GDA: variants seen among roughly 807,000 people sequenced by gnomAD.
GDA encodes the protein cytoplasmic PSD-95 interactor.
GDA carries 18 observed loss-of-function variants against 59.6 expected under a neutral mutation model. The ratio of observed to expected loss-of-function variants is 0.30; its 90% confidence interval spans 0.21 to 0.45. GDA has a LOEUF of 0.45. Ranked by LOEUF, GDA falls within the 20% of genes least tolerant of loss-of-function variation. The pLI is 1.00. For missense variants in GDA, 427 were observed against 552.3 expected, an observed-to-expected ratio of 0.77 and a Z score of 2.27; for synonymous variants, 201 against 201.1, an observed-to-expected ratio of 1.00 and a Z score of 0.00.
intron 1 of GDA, among the ~76,000 whole-genome samples, chr9:72,124,773 C>G (rs1199354176): frequency 6.6e-6 from 1 of 151,888 alleles, no homozygotes; most frequent in Non-Finnish European, 1.5e-5. Flanking sequence ...ATCAGCCTGG[C>G]TAATTTTTGT....
chr9:72,146,511 A>G (rs539463234), upstream of GDA, among the ~76,000 whole-genome samples: 1 of 151,918 alleles, frequency 6.6e-6, no homozygotes, highest in African/African-American at 2.4e-5. Context: ...CACCTCCGAG[A>G]GTGGAGTCTC....
chr9:72,200,354 C>T (rs1833830429), intron 2 of GDA, among the ~76,000 whole-genome samples: 1 of 151,792 alleles, frequency 6.6e-6, no homozygotes, highest in African/African-American at 2.4e-5. Context: ...TTTTCTTGCT[C>T]TTCTTCTTCC....
chr9:72,143,560 A>T (rs1328962708), intron 1 of GDA, among the ~76,000 whole-genome samples: 1 of 152,180 alleles, frequency 6.6e-6, no homozygotes, highest in Non-Finnish European at 1.5e-5. Context: ...ATACTACTTA[A>T]AACCTTCCAG....
chr9:72,135,129 G>T lies in GDA; in HGVS notation c.-100+20296G>T, dbSNP rs368955561. Among the ~76,000 whole-genome samples, 4 of 151,808 alleles carry T rather than the reference G, an allele frequency of 2.6e-5. No individual in the cohort carries two copies. The South Asian group carries it at 8.3e-4, about 32-fold the overall frequency. ...TCCACAGTTAGCTATTTATTGGCGA[G>T]ATCAATTCATTTTTACATTCTTACA... is the stretch of plus-strand genomic sequence containing the variant. On this transcript the variant is annotated intron_variant, in intron 1 of 13. Coordinates refer to the GDA transcript ENST00000545168.
At chr9:72,133,056 C>T (rs555412441) in intron 1 of GDA, among the ~76,000 whole-genome samples, 3 of 151,752 alleles carry the variant, frequency 2.0e-5, no homozygotes, top group East Asian at 1.9e-4. Context: ...TTTGGGAGGC[C>T]GAGGTGGGTG....
At chr9:72,177,376 G>A (rs1439469704) in intron 1 of GDA, among the ~76,000 whole-genome samples, 5 of 151,988 alleles carry the variant, frequency 3.3e-5, no homozygotes, top group East Asian at 1.9e-4. Flanking sequence ...GATTACAGGC[G>A]TGAGCCACCG....
intron 1 of GDA, among the ~76,000 whole-genome samples, chr9:72,136,784 G>C (rs1826239830): frequency 6.6e-6 from 1 of 152,126 alleles, no homozygotes; most frequent in African/African-American, 2.4e-5. Flanking sequence ...CACCATCCTG[G>C]CTAACACAGT....
chr9:72,172,420 A>T (rs1276727245), intron 1 of GDA, among the ~76,000 whole-genome samples: 2 of 152,322 alleles, frequency 1.3e-5, no homozygotes, highest in South Asian at 4.1e-4. Context: ...TGAGTATTAC[A>T]AAAGTTAAGT....
intron 8 of GDA, among the ~76,000 whole-genome samples, chr9:72,227,258 C>T (rs959739914): frequency 6.7e-6 from 1 of 148,392 alleles, no homozygotes; most frequent in African/African-American, 2.4e-5. Context: ...ATACTACCAA[C>T]ATTAAAAATT....
chr9:72,220,492 T>G (rs1836723702), intron 6 of GDA, among the ~76,000 whole-genome samples: 1 of 152,200 alleles, frequency 6.6e-6, no homozygotes, highest in South Asian at 2.1e-4. Flanking sequence ...GTAAACTTCG[T>G]CTTAAGTTCA....
downstream of GDA, among the ~76,000 whole-genome samples, chr9:72,253,744 G>A (rs896396735): frequency 6.6e-6 from 1 of 152,088 alleles, no homozygotes; most frequent in Non-Finnish European, 1.5e-5. Context: ...TAGCAATAAT[G>A]TATGTCCAGT....
chr9:72,135,405 C>T (rs746271989), intron 1 of GDA, among the ~76,000 whole-genome samples: 1 of 152,140 alleles, frequency 6.6e-6, no homozygotes, highest in Non-Finnish European at 1.5e-5. Flanking sequence ...TTTGTATTCT[C>T]ATGCTGAGAA....
At chr9:72,185,306 C>T (rs1478582293) in intron 1 of GDA, among the ~76,000 whole-genome samples, 1 of 152,140 alleles carries the variant, frequency 6.6e-6, no homozygotes, top group East Asian at 1.9e-4. Flanking sequence ...GATATGGCTT[C>T]CCCTGCACCT....
chr9:72,155,594 C>T (rs1400503832), intron 1 of GDA, among the ~76,000 whole-genome samples: 2 of 152,080 alleles, frequency 1.3e-5, no homozygotes, highest in East Asian at 3.9e-4. Flanking sequence ...CAGGATAAGG[C>T]AGGACAGGTA....
intron 1 of GDA, among the ~76,000 whole-genome samples, chr9:72,167,763 C>T (rs938309767): frequency 1.3e-5 from 2 of 152,210 alleles, no homozygotes; most frequent in African/African-American, 4.8e-5. Context: ...AGCCAGTGAG[C>T]CTTGCTGCTC....
At chr9:72,162,949 G>A (rs7023048) in intron 1 of GDA, among the ~76,000 whole-genome samples, 28,286 of 152,106 alleles carry the variant, frequency 0.19, 2,984 homozygotes, top group African/African-American at 0.3. Flanking sequence ...GAGCCAATGC[G>A]CCCTGACATA....
intron 2 of GDA, 128 bp downstream of exon 2, chr9:72,195,716 A>T: frequency 2.7e-6 from 1 of 368,066 alleles, no homozygotes; most frequent in Non-Finnish European, 5.0e-6. Flanking sequence ...TGTATTAATT[A>T]TTTGTTAAGG....
chr9:72,232,636 G>A (rs1838488678), intron 10 of GDA, among the ~76,000 whole-genome samples: 1 of 152,144 alleles, frequency 6.6e-6, no homozygotes, highest in Non-Finnish European at 1.5e-5. Context: ...GTCAGATATT[G>A]TTTTCAGATA....
chr9:72,162,626 G>A (rs1828773059), intron 1 of GDA, among the ~76,000 whole-genome samples: 3 of 152,024 alleles, frequency 2.0e-5, no homozygotes, highest in Middle Eastern at 3.4e-3. Context: ...GAAAGCCTAC[G>A]AAGGGTGTCA....
Sources: allele counts gnomAD v4.1 joint callset (sites outside exome capture counted in the v4.1 genomes callset), GRCh38; gene constraint gnomAD v4.1.1; transcripts MANE v1.5; gene names NCBI Gene and HGNC (gene_info 2026-07-23, HGNC 2026-07-21).